The following TFCP2 variants were observed in gnomAD, a reference collection of about 807,000 sequenced individuals.
The protein encoded by TFCP2 is transcription factor CP2, also known as alpha-globin transcription factor CP2.
A neutral mutation model predicts 73.4 loss-of-function variants in TFCP2; 33 were observed. That is an observed-to-expected ratio of 0.45 (90% CI 0.34 to 0.60). The LOEUF is 0.60. Among genes scored for constraint, TFCP2 ranks in the 20% least tolerant of loss-of-function variants. The pLI is 0.01. For synonymous variants in TFCP2, 193 were observed against 211.6 expected, an observed-to-expected ratio of 0.91 and a Z score of 0.76; for missense variants, 352 against 604.0, an observed-to-expected ratio of 0.58 and a Z score of 4.37.
At chr12:51,106,379 C>G in intron 8 of TFCP2, 146 bp downstream of exon 8, 1 of 576,752 alleles carries the variant, frequency 1.7e-6, no homozygotes, top group East Asian at 3.3e-5. Flanking sequence ...TTTGAAGCTA[C>G]TCCAAATCTC....
At chr12:51,151,446 ATTG>A (rs1404199668) in intron 1 of TFCP2, among the ~76,000 whole-genome samples, 1 of 152,028 alleles carries the variant, frequency 6.6e-6, no homozygotes, top group Non-Finnish European at 1.5e-5. Flanking sequence ...TTTTGTTGTT[ATTG>A]TTGTTGAGAC....
At chr12:51,125,382 G>T in intron 1 of TFCP2, 1 of 472,818 alleles carries the variant, frequency 2.1e-6, no homozygotes, top group Non-Finnish European at 4.2e-6. Flanking sequence ...CAAACTTACC[G>T]TGGACTCAAA....
chr12:51,131,165 T>TAA (rs1161007748), intron 1 of TFCP2, among the ~76,000 whole-genome samples: 24 of 133,548 alleles, frequency 1.8e-4, no homozygotes, highest in African/African-American at 4.6e-4. Flanking sequence ...CCATCTCTAC[T>TAA]AAAAAAAAAA....
intron 1 of TFCP2, chr12:51,125,385 G>T: frequency 4.3e-6 from 2 of 470,354 alleles, no homozygotes; most frequent in South Asian, 3.2e-5. Flanking sequence ...ACTTACCGTG[G>T]ACTCAAACAC....
chr12:51,134,787 C>G (rs1941023902), intron 1 of TFCP2, among the ~76,000 whole-genome samples: 1 of 152,136 alleles, frequency 6.6e-6, no homozygotes. Context: ...TACTTAAGTA[C>G]AGGAATAATA....
At chr12:51,126,229 T>C (rs1940813944) in intron 1 of TFCP2, among the ~76,000 whole-genome samples, 2 of 67,136 alleles carry the variant, frequency 3.0e-5, no homozygotes, top group Non-Finnish European at 5.7e-5. Flanking sequence ...TGAGACTCTG[T>C]CTCAAAAAAA....
At chr12:51,111,010 A>G in intron 4 of TFCP2, 27 bp from the exon 5 acceptor site, 1 of 1,503,294 alleles carries the variant, frequency 6.7e-7, no homozygotes. Flanking sequence ...TAATCATTGA[A>G]CAATTTTGAG....
chr12:51,131,481 T>C (rs1312490795), intron 1 of TFCP2, among the ~76,000 whole-genome samples: 1 of 152,146 alleles, frequency 6.6e-6, no homozygotes, highest in Admixed American at 6.6e-5. Context: ...CTAAAAATGG[T>C]ATTCTTGGTT....
chr12:51,103,997 C>T (rs1940172166), intron 9 of TFCP2, 158 bp downstream of exon 9: 1 of 809,272 alleles, frequency 1.2e-6, no homozygotes, highest in Non-Finnish European at 2.1e-6. Context: ...ATCTTTAGTC[C>T]CTAGCACAGT....
At chr12:51,139,990 C>T (rs1941151575) in intron 1 of TFCP2, among the ~76,000 whole-genome samples, 1 of 152,134 alleles carries the variant, frequency 6.6e-6, no homozygotes, top group African/African-American at 2.4e-5. Context: ...ATTATGAACA[C>T]TGATATGCCT....
rs1289436164 is a variant in TFCP2 at position 51,126,247 on chromosome 12, A to AG, written c.123-7476_123-7475insC. Among the ~76,000 whole-genome samples the AG allele has an allele frequency of 7.9e-4, 119 of 150,972 alleles. 1 individual carries two copies. Among genetic ancestry groups the AG allele is most frequent in the East Asian group, 2.5e-3 (13 of 5,148 alleles). ...GACTCTGTCTCAAAAAAAAAAAAAA[A>AG]AAAAGAAAAGAAAAGATATAGAAAT... On this transcript the variant is annotated intron_variant, in intron 1 of 14. Coordinates refer to ENST00000257915, the MANE Select transcript of TFCP2 (RefSeq NM_005653.5).
In TFCP2 at chr12:51,093,880, A is replaced by G. The variant is rs1165459484; in HGVS notation, c.*1361T>C. On this transcript the variant is annotated 3_prime_UTR_variant, in exon 15 of 15. Coordinates refer to ENST00000257915, the MANE Select transcript of TFCP2 (RefSeq NM_005653.5). Reference sequence around the variant, plus strand: ...CACACAAATCCAAATCCAATACACAATCTTAGAACATTATCTTTGTGTACC... The same window carrying G: ...CACACAAATCCAAATCCAATACACAGTCTTAGAACATTATCTTTGTGTACC... 2 of 151,806 alleles carry G rather than the reference A, an allele frequency of 1.3e-5. No homozygotes were observed. The highest frequency in any genetic ancestry group is 6.6e-5 in the Admixed American group (1 of 15,190). 9.4% of individuals were successfully genotyped at this position (151,806 alleles called of 1,614,324 possible).
intron 1 of TFCP2, among the ~76,000 whole-genome samples, chr12:51,161,387 A>G (rs1451884664): frequency 1.3e-5 from 2 of 152,102 alleles, no homozygotes; most frequent in Non-Finnish European, 2.9e-5. Context: ...ACAGGAAAAA[A>G]AAAAAGAAAT....
At chr12:51,101,336 A>C (rs1403409631) in intron 11 of TFCP2, among the ~76,000 whole-genome samples, 1 of 152,014 alleles carries the variant, frequency 6.6e-6, no homozygotes, top group Non-Finnish European at 1.5e-5. Flanking sequence ...ATTCCCACCC[A>C]CATTTAAGAA....
At chr12:51,099,589 C>T in intron 12 of TFCP2, 66 bp downstream of exon 12, 1 of 1,572,332 alleles carries the variant, frequency 6.4e-7, no homozygotes, top group Non-Finnish European at 8.7e-7. Context: ...TTTCCCATCA[C>T]ACATGCCCAT....
At chr12:51,130,411 G>A (rs1343383971) in intron 1 of TFCP2, among the ~76,000 whole-genome samples, 1 of 151,838 alleles carries the variant, frequency 6.6e-6, no homozygotes, top group Non-Finnish European at 1.5e-5. Flanking sequence ...GGCAGAGGCT[G>A]TAGCGAGCCA....
intron 3 of TFCP2, among the ~76,000 whole-genome samples, chr12:51,116,757 A>T (rs1940537278): frequency 6.6e-6 from 1 of 151,818 alleles, no homozygotes; most frequent in African/African-American, 2.4e-5. Flanking sequence ...AGCTGGGATT[A>T]CAGGCATGTG....
chr12:51,099,726 C>G lies in TFCP2; in HGVS notation c.1205G>C (p.Arg402Thr). ...IYVCQESLQL[R>T]EQQQQQQQQQ... ...TTGCTGCTGCTGTTGTTGCTGCTCCCTCAACTGCAGTGATTCCTGACAAAC... is the reference window on the plus strand; with the variant it reads ...TTGCTGCTGCTGTTGTTGCTGCTCCGTCAACTGCAGTGATTCCTGACAAAC... Residue 402 changes from arginine (R) to threonine (T), a missense_variant, in exon 12 of 15, where the codon AGG becomes ACG. By Grantham distance (71) the Arg-to-Thr change is moderately conservative. Transcript: ENST00000257915. 6.2e-7 allele frequency: 1 copy of G among 1,614,178 alleles called. No individual in the cohort carries two copies. Among genetic ancestry groups the G allele is most frequent in the Non-Finnish European group, 8.5e-7 (1 of 1,180,028 alleles).
At chr12:51,103,304 T>A (rs1476800962) in intron 10 of TFCP2, among the ~76,000 whole-genome samples, 1 of 152,000 alleles carries the variant, frequency 6.6e-6, no homozygotes, top group Non-Finnish European at 1.5e-5. Context: ...AAAAAAAAGC[T>A]AAATAAAAGT....
Sources: allele counts gnomAD v4.1 joint callset (sites outside exome capture counted in the v4.1 genomes callset), GRCh38; gene constraint gnomAD v4.1.1; transcripts MANE v1.5; gene names NCBI Gene and HGNC (gene_info 2026-07-23, HGNC 2026-07-21).